The following ANGPTL5 variants were observed in gnomAD, a reference collection of about 807,000 sequenced individuals.
ANGPTL5 encodes the protein angiopoietin-related protein 5.
ANGPTL5 carries 34 observed loss-of-function variants against 39.4 expected under a neutral mutation model. That is an observed-to-expected ratio of 0.86 (90% confidence interval 0.66 to 1.15). The LOEUF (loss-of-function observed/expected upper bound fraction) is 1.15. Ranked by LOEUF, ANGPTL5 falls within the 50% of genes most tolerant of loss-of-function variation. The pLI, the probability that ANGPTL5 is intolerant of heterozygous loss-of-function variation, is 0.00. For synonymous variants in ANGPTL5, 146 were observed against 152.1 expected (o/e 0.96, Z 0.29); for missense variants, 467 against 457.5 (o/e 1.02, Z -0.19).
rs1448977725 is a variant in ANGPTL5 at position 101,890,858 on chromosome 11, T to C, written c.*421A>G. On this transcript the variant is annotated 3_prime_UTR_variant, in exon 9 of 9. Coordinates refer to ENST00000334289, the MANE Select transcript of ANGPTL5 (RefSeq NM_178127.5). ...GCTTATATATTAATCTGCATAAAGT[T>C]ATTTATTGTAACTGTCTTCAGTAGA... The C allele has an allele frequency of 4.4e-5, 7 of 158,668 alleles. No individual in the cohort carries two copies. Among genetic ancestry groups the C allele is most frequent in the Non-Finnish European group, 9.7e-5 (7 of 71,994 alleles). 9.8% of individuals were successfully genotyped at this position (158,668 alleles called of 1,614,324 possible).
At chr11:101,896,184 T>G (rs906401443) in intron 7 of ANGPTL5, among the ~76,000 whole-genome samples, 1 of 150,718 alleles carries the variant, frequency 6.6e-6, no homozygotes, top group Admixed American at 6.6e-5. Flanking sequence ...ATTTATTTAT[T>G]TATTTATTTA....
At chr11:101,894,779 G>T in intron 8 of ANGPTL5, 100 bp downstream of exon 8, 1 of 1,120,240 alleles carries the variant, frequency 8.9e-7, no homozygotes, top group Non-Finnish European at 1.3e-6. Flanking sequence ...TATCAGTTAT[G>T]TGTTATATAC....
At chr11:101,915,289 T>C (rs149781214) in intron 1 of ANGPTL5, 9 of 1,613,408 alleles carry the variant, frequency 5.6e-6, no homozygotes, top group Non-Finnish European at 7.6e-6. Flanking sequence ...TGAAGGATGC[T>C]GGCGGGGAGG....
At chr11:101,915,043 G>A (rs1022343088) in intron 1 of ANGPTL5, 4 of 472,344 alleles carry the variant, frequency 8.5e-6, no homozygotes, top group African/African-American at 2.0e-5. Flanking sequence ...GGCGGCTGCA[G>A]GGTTGCTGCC....
intron 1 of ANGPTL5, among the ~76,000 whole-genome samples, chr11:101,911,267 G>A (rs1053388747): frequency 6.6e-6 from 1 of 151,530 alleles, no homozygotes; most frequent in Non-Finnish European, 1.5e-5. Flanking sequence ...GGGATTACAG[G>A]CGCTTGCCAC....
intron 7 of ANGPTL5, among the ~76,000 whole-genome samples, chr11:101,899,489 A>G (rs1158803613): frequency 1.3e-5 from 2 of 152,232 alleles, no homozygotes; most frequent in African/African-American, 4.8e-5. Flanking sequence ...CAAAACTCAT[A>G]TTCTTTCCCC....
At chr11:101,899,601 C>T (rs1467944968) in intron 7 of ANGPTL5, among the ~76,000 whole-genome samples, 1 of 152,296 alleles carries the variant, frequency 6.6e-6, no homozygotes, top group East Asian at 1.9e-4. Context: ...AGAAGTAATG[C>T]TGAGAAAATG....
chr11:101,909,879 A>G (rs780213551), intron 1 of ANGPTL5, among the ~76,000 whole-genome samples: 6 of 152,254 alleles, frequency 3.9e-5, no homozygotes, highest in African/African-American at 1.2e-4. Context: ...TTTTGTAACA[A>G]ATAGTGGAGT....
Position 101,891,078 on chromosome 11 carries a change from G to T in ANGPTL5, c.*201C>A. ...TCATTGTATATTGTTAATATAGTCAGAAGTAAAAACATACAATAAGCCATG... is the reference window on the plus strand; with the variant it reads ...TCATTGTATATTGTTAATATAGTCATAAGTAAAAACATACAATAAGCCATG... On this transcript the variant is annotated 3_prime_UTR_variant, in exon 9 of 9. Transcript: ENST00000334289. 1 of 478,110 alleles carries T rather than the reference G, an allele frequency of 2.1e-6. No individual in the cohort carries two copies. Among genetic ancestry groups the T allele is most frequent in the Non-Finnish European group, 3.7e-6 (1 of 272,376 alleles). The allele number at this position is 478,110 out of a possible 1,614,324, so 29.6% of individuals were successfully genotyped here.
At chr11:101,910,424 A>ATATATATAT (rs1555048792) in intron 1 of ANGPTL5, among the ~76,000 whole-genome samples, 82 of 127,182 alleles carry the variant, frequency 6.4e-4, no homozygotes, top group Admixed American at 1.3e-3. Flanking sequence ...AAAAAAAAAA[A>ATATATATAT]ATATATATAT....
At chr11:101,905,685 C>T in intron 4 of ANGPTL5, 59 bp downstream of exon 4, 3 of 1,186,260 alleles carry the variant, frequency 2.5e-6, no homozygotes, top group Non-Finnish European at 3.7e-6. Context: ...ATTATACCTC[C>T]AGCTAACTAT....
At chr11:101,900,854 TC>T (rs1005805121) in intron 6 of ANGPTL5, among the ~76,000 whole-genome samples, 1 of 151,688 alleles carries the variant, frequency 6.6e-6, no homozygotes. Context: ...AGCTTTTTTT[TC>T]CCCCCTTTTT....
chr11:101,903,354 G>A (rs1054270259), intron 5 of ANGPTL5, among the ~76,000 whole-genome samples: 3 of 152,066 alleles, frequency 2.0e-5, no homozygotes, highest in Non-Finnish European at 4.4e-5. Flanking sequence ...GTAAACACGT[G>A]TATGTGGATA....
At position 101,891,584 on chromosome 11, in the gene ANGPTL5, C is replaced by T. The variant is rs776930157; in HGVS notation, c.862G>A (p.Gly288Ser). Residue 288 changes from glycine (G) to serine (S), a missense_variant, in exon 9 of 9, where the codon GGT becomes AGT. Physicochemically the swap from Gly to Ser is moderately conservative, Grantham distance 56. Coordinates refer to ENST00000334289, the MANE Select transcript of ANGPTL5 (RefSeq NM_178127.5). ...YSGNAGDAFR[G>S]LKKEDNQNAM... ...TTTTGATTATCTTCTTTTTTGAGAC[C>T]CCGGAATGCATCACCTGGGAAAAAA... 1 of 1,613,664 alleles carries T rather than the reference C, an allele frequency of 6.2e-7. No homozygotes were observed. Among genetic ancestry groups the T allele is most frequent in the South Asian group, 1.1e-5 (1 of 91,010 alleles).
chr11:101,905,170 AT>A (rs1939975675), intron 4 of ANGPTL5, among the ~76,000 whole-genome samples: 1 of 152,046 alleles, frequency 6.6e-6, no homozygotes, highest in South Asian at 2.1e-4. Flanking sequence ...TGTCCAAACC[AT>A]TGCTGTAGTT....
At chr11:101,913,310 G>A (rs1331955162) in intron 1 of ANGPTL5, among the ~76,000 whole-genome samples, 2 of 152,124 alleles carry the variant, frequency 1.3e-5, no homozygotes, top group African/African-American at 4.8e-5. Context: ...AAATGAACAT[G>A]GGTCATATGT....
At chr11:101,892,333 C>A (rs1344701907) in intron 8 of ANGPTL5, among the ~76,000 whole-genome samples, 3 of 152,092 alleles carry the variant, frequency 2.0e-5, no homozygotes, top group African/African-American at 7.2e-5. Flanking sequence ...CAGGGTCAAG[C>A]GATTCTCCTG....
rs756417169 is a variant in ANGPTL5 at position 101,907,202 on chromosome 11, C to A, written c.142G>T (p.Asp48Tyr). ...NIVEDGSNAK[D>Y]ESKSNDTVCK... ...ACAGTATCATTACTTTTACTTTCAT[C>A]TTTTGCATTAGATCCATCTTCTACA... Residue 48 changes from aspartate to tyrosine, a missense_variant, in exon 3 of 9, where the codon GAT (aspartate) becomes TAT (tyrosine). Coordinates refer to ENST00000334289, the MANE Select transcript of ANGPTL5 (RefSeq NM_178127.5). 9 of 1,562,900 alleles carry A rather than the reference C, an allele frequency of 5.8e-6. No individual in the cohort carries two copies. The highest frequency in any genetic ancestry group is 7.9e-6 in the Non-Finnish European group (9 of 1,138,064).
At chr11:101,900,884 C>G (rs1045193020) in intron 6 of ANGPTL5, among the ~76,000 whole-genome samples, 4 of 151,784 alleles carry the variant, frequency 2.6e-5, no homozygotes, top group Non-Finnish European at 5.9e-5. Flanking sequence ...CAGAATCTCC[C>G]TCTGTCGCCC....
Sources: gnomAD v4.1 joint callset for allele counts (sites outside exome capture counted in the v4.1 genomes callset) on GRCh38, gnomAD v4.1.1 for gene constraint, MANE v1.5 for transcripts, NCBI Gene and HGNC (gene_info 2026-07-23, HGNC 2026-07-21) for gene names.